ATXN2L: variants seen among roughly 807,000 people sequenced by gnomAD.
The protein encoded by ATXN2L is ataxin-2-like protein.
In ATXN2L, 24 loss-of-function variants were observed where a neutral mutation model predicts 120.7. That is an observed-to-expected ratio of 0.20 (90% CI 0.14 to 0.28). The LOEUF (loss-of-function observed/expected upper bound fraction) is 0.28. Ranked by LOEUF, ATXN2L falls within the 10% of genes least tolerant of loss-of-function variation. The pLI is 1.00. For missense variants in ATXN2L, 1,312 were observed against 1,432.3 expected (o/e 0.92, Z 1.36); for synonymous variants, 653 against 568.1 (o/e 1.15, Z -2.13).
At chr16:28,825,218 A>G in intron 1 of ATXN2L, 148 bp from the exon 2 acceptor site, 1 of 811,980 alleles carries the variant, frequency 1.2e-6, no homozygotes, top group Non-Finnish European at 2.0e-6. Context: ...CCCTGTCTCA[A>G]AAAAAATAGA....
In ATXN2L at chr16:28,836,121, A is replaced by T; in HGVS notation, c.3084A>T (p.Gln1028His). ...CCTACCCCTACATCGGACACCCCCA[A>T]GGTGAGCAGCCTGGCCAGGCGCCTG... ...PSPYPYIGHPQGEQPGQAPGF... is the reference protein window; with the variant it reads ...PSPYPYIGHPHGEQPGQAPGF... The change falls in exon 22 of 22, where the codon CAA becomes CAT. Residue 1028 changes from glutamine (Q) to histidine (H), a missense_variant. Transcript: ENST00000336783. 5 of 1,614,096 alleles carry T rather than the reference A, an allele frequency of 3.1e-6. No homozygotes were observed. Among genetic ancestry groups the T allele is most frequent in the Non-Finnish European group, 4.2e-6 (5 of 1,180,000 alleles).
intron 5 of ATXN2L, 97 bp downstream of exon 5, chr16:28,826,487 T>C: frequency 7.1e-7 from 1 of 1,401,710 alleles, no homozygotes. Flanking sequence ...GTTTGGTTTG[T>C]TTTTTTGTTT....
Position 28,836,353 on chromosome 16 carries a change from GC to G in ATXN2L, c.*90del. On this transcript the variant is annotated 3_prime_UTR_variant, in exon 22 of 22. Coordinates refer to ENST00000336783, the MANE Select transcript of ATXN2L (RefSeq NM_007245.4). ...TGTAGGGTGGGCAGAAGCCACAGTC[GC>G]CGCCGCCAGGGGCTTGCTCCTGGCT... 2 of 1,613,198 alleles carry G rather than the reference GC, an allele frequency of 1.2e-6. No homozygotes were observed.
rs576667743 is a variant in ATXN2L, at chr16:28,836,870, C to A, written c.*605C>A. 16 of 1,358,484 alleles carry A rather than the reference C, an allele frequency of 1.2e-5. No individual in the cohort carries two copies. The Admixed American group carries it at 1.9e-4, about 16-fold the overall frequency. The allele number at this position is 1,358,484 out of a possible 1,614,324, so 84.2% of individuals were successfully genotyped here. A position where few individuals can be genotyped will look rare whatever the true frequency, so the allele number is the denominator to read the frequency against. ...AGCAGCTCGGACCACTCCCAGCCCC[C>A]CATCCCCCCGTTCCCCAGGGGAGCT... On this transcript the variant is annotated 3_prime_UTR_variant, in exon 22 of 22. Transcript: ENST00000336783.
chr16:28,823,356 C>T lies in ATXN2L; in HGVS notation c.97C>T (p.Pro33Ser). Reference protein sequence around the residue: ...VARRPPGGTSPPNGGLPGPLA... With the variant: ...VARRPPGGTSSPNGGLPGPLA... ...CCGTCGGCCCCCCGGGGGCACCAGC[C>T]CTCCCAACGGCGGCCTCCCGGGGCC... is the stretch of plus-strand genomic sequence containing the variant. Residue 33 changes from proline to serine, a missense_variant, in exon 1 of 22, where the codon CCT (proline) becomes TCT (serine). Transcript: ENST00000336783. 2.9e-6 allele frequency: 4 copies of T among 1,366,568 alleles called. No homozygotes were observed. Among genetic ancestry groups the T allele is most frequent in the Non-Finnish European group, 3.8e-6 (4 of 1,062,230 alleles). The allele number at this position is 1,366,568 out of a possible 1,614,324, so 84.7% of individuals were successfully genotyped here. A position where few individuals can be genotyped will look rare whatever the true frequency, so the allele number is the denominator to read the frequency against.
chr16:28,823,656 C>G (rs1567391127), intron 1 of ATXN2L, 98 bp downstream of exon 1: 3 of 1,167,638 alleles, frequency 2.6e-6, no homozygotes, highest in South Asian at 6.2e-5. Flanking sequence ...GTCAGGGGCA[C>G]CGGCTGGGTG....
chr16:28,826,332 G>C lies in ATXN2L; in HGVS notation c.558G>C (p.Lys186Asn), dbSNP rs534579777. 2 of 1,614,066 alleles carry C rather than the reference G, an allele frequency of 1.2e-6. No individual in the cohort carries two copies. Among genetic ancestry groups the C allele is most frequent in the Non-Finnish European group, 1.7e-6 (2 of 1,180,040 alleles). ...ACATTGTGGACACCATGGTGTTTAA[G>C]CCAAGTGATGTCATGCTTGTTCACT... ...REDIVDTMVF[K>N]PSDVMLVHFR... The change falls in exon 5 of 22, where the codon AAG (lysine) becomes AAC (asparagine). Residue 186 changes from lysine to asparagine, a missense_variant. Physicochemically the swap from Lys to Asn is moderately conservative, Grantham distance 94. Coordinates refer to ENST00000336783, the MANE Select transcript of ATXN2L (RefSeq NM_007245.4).
At chr16:28,829,148 A>G (rs2053423483) in intron 6 of ATXN2L, among the ~76,000 whole-genome samples, 1 of 152,158 alleles carries the variant, frequency 6.6e-6, no homozygotes, top group South Asian at 2.1e-4. Flanking sequence ...GACCCCAGGC[A>G]TGCACCACCA....
At position 28,823,495 on chromosome 16, in the gene ATXN2L, C is replaced by T. The variant is rs1015527338; in HGVS notation, c.236C>T (p.Pro79Leu). The T allele has an allele frequency of 2.1e-5, 29 of 1,382,004 alleles. No individual in the cohort carries two copies. Among genetic ancestry groups the T allele is most frequent in the East Asian group, 3.1e-5 (1 of 32,546 alleles). The allele number at this position is 1,382,004 out of a possible 1,614,324, so 85.6% of individuals were successfully genotyped here. Residue 79 changes from proline (P) to leucine (L), a missense_variant, in exon 1 of 22, where the codon CCG (proline) becomes CTG (leucine). Physicochemically the swap from Pro to Leu is moderately conservative, Grantham distance 98 (BLOSUM62 -3). Coordinates refer to ENST00000336783, the MANE Select transcript of ATXN2L (RefSeq NM_007245.4). ...CGGGGAGCCGAAGGCATCTTGGCGC[C>T]GCAGCCGCCGCCGCCGCAGCAACAC... ...LRRGAEGILA[P>L]QPPPPQQHQE... is the part of the protein sequence containing the mutation.
chr16:28,824,513 G>A, intron 1 of ATXN2L: 2 of 1,288,146 alleles, frequency 1.6e-6, no homozygotes, highest in Non-Finnish European at 2.0e-6. Flanking sequence ...CGACGAGCAG[G>A]GTTACCTGGC....
Position 28,835,107 on chromosome 16 carries a change from G to A in ATXN2L, c.2483G>A (p.Gly828Asp), listed in dbSNP as rs1959834886. ...LQSNPRMLTS[G>D]SHPQAIVSSS... ...AGCAACCCACGCATGCTGACGTCGGGCAGCCATCCCCAGGCCATCGTGTCA... is the reference window on the plus strand; with the variant it reads ...AGCAACCCACGCATGCTGACGTCGGACAGCCATCCCCAGGCCATCGTGTCA... The change falls in exon 19 of 22, where the codon GGC becomes GAC. Residue 828 changes from glycine to aspartate, a missense_variant. Physicochemically the swap from Gly to Asp is moderately conservative, Grantham distance 94 (BLOSUM62 -1). Transcript: ENST00000336783. 6.2e-7 allele frequency: 1 copy of A among 1,613,768 alleles called. No homozygotes were observed. The highest frequency in any genetic ancestry group is 8.5e-7 in the Non-Finnish European group (1 of 1,179,934).
chr16:28,823,135 C>G lies in ATXN2L; in HGVS notation c.-125C>G. The G allele has an allele frequency of 1.9e-6, 1 of 522,722 alleles. No homozygotes were observed. Among genetic ancestry groups the G allele is most frequent in the Middle Eastern group, 5.5e-4 (1 of 1,810 alleles). The allele number at this position is 522,722 out of a possible 1,614,324, so 32.4% of individuals were successfully genotyped here. On this transcript the variant is annotated 5_prime_UTR_variant, in exon 1 of 22. Coordinates refer to ENST00000336783, the MANE Select transcript of ATXN2L (RefSeq NM_007245.4). The stretch of plus-strand genomic sequence containing the variant: ...CACCCCCGACACCGCGGGGCTCCCC[C>G]CGCCCGCCCACGGCGGGCCCCGGCT...
rs2054032188 is a variant in ATXN2L at position 28,830,624 on chromosome 16, G to A, written c.1044G>A (p.Lys348=). The part of the protein sequence containing the change: ...ESPSLASREG[K]YIPLPQRVRE... ...TGAACTCTTTCCTCAGGGAGGGGAA[G>A]TATATCCCTCTGCCTCAACGAGTCC... The change falls in exon 9 of 22, where the codon AAG becomes AAA. Residue 348 remains lysine, a synonymous_variant. Transcript: ENST00000336783. 2 of 1,589,970 alleles carry A rather than the reference G, an allele frequency of 1.3e-6. No homozygotes were observed. Among genetic ancestry groups the A allele is most frequent in the Non-Finnish European group, 1.7e-6 (2 of 1,169,324 alleles).
chr16:28,827,895 A>G (rs1458671984), intron 6 of ATXN2L, among the ~76,000 whole-genome samples: 4 of 152,266 alleles, frequency 2.6e-5, no homozygotes, highest in African/African-American at 4.8e-5. Context: ...CCTGGGCATC[A>G]TAGCGAGACT....
At chr16:28,833,866 A>C in intron 15 of ATXN2L, 199 bp from the exon 16 acceptor site, 1 of 717,926 alleles carries the variant, frequency 1.4e-6, no homozygotes, top group South Asian at 1.9e-5. Context: ...GTGATCTTGG[A>C]CGTCACTTAC....
intron 6 of ATXN2L, among the ~76,000 whole-genome samples, chr16:28,828,685 G>A (rs1199501374): frequency 1.3e-5 from 2 of 151,438 alleles, no homozygotes; most frequent in South Asian, 2.1e-4. Flanking sequence ...TTGTTTTGTC[G>A]TTTATTTTTG....
At chr16:28,828,183 G>T (rs1449805403) in intron 6 of ATXN2L, among the ~76,000 whole-genome samples, 1 of 152,018 alleles carries the variant, frequency 6.6e-6, no homozygotes, top group Non-Finnish European at 1.5e-5. Flanking sequence ...TATTCCCCAC[G>T]CACATGTGCC....
At chr16:28,826,708 C>T (rs1385758470) in intron 5 of ATXN2L, 154 bp from the exon 6 acceptor site, 2 of 886,858 alleles carry the variant, frequency 2.3e-6, no homozygotes, top group Non-Finnish European at 3.2e-6. Flanking sequence ...TCTCTTGCCT[C>T]CCCACCCCCT....
At position 28,823,161 on chromosome 16, in the gene ATXN2L, G is replaced by T; in HGVS notation, c.-99G>T. The T allele has an allele frequency of 1.3e-6, 1 of 792,636 alleles. No individual in the cohort carries two copies. Among genetic ancestry groups the T allele is most frequent in the Non-Finnish European group, 1.7e-6 (1 of 586,996 alleles). The allele number at this position is 792,636 out of a possible 1,614,324, so 49.1% of individuals were successfully genotyped here. ...CGCCCGCCCACGGCGGGCCCCGGCT[G>T]CCCGATCCCCCTCGCTTCCCGCGCT... On this transcript the variant is annotated 5_prime_UTR_variant, in exon 1 of 22. Coordinates refer to ENST00000336783, the MANE Select transcript of ATXN2L (RefSeq NM_007245.4).
Sources: gnomAD v4.1 joint callset for allele counts (sites outside exome capture counted in the v4.1 genomes callset) on GRCh38, gnomAD v4.1.1 for gene constraint, MANE v1.5 for transcripts, NCBI Gene and HGNC (gene_info 2026-07-23, HGNC 2026-07-21) for gene names.